The following OGDH variants were observed in gnomAD, a reference collection of about 807,000 sequenced individuals.
OGDH encodes 2-oxoglutarate dehydrogenase complex component E1.
In OGDH, 38 loss-of-function variants were observed where a neutral mutation model predicts 116.6. The observed-to-expected ratio is 0.33, with a 90% CI of 0.25 to 0.43. The LOEUF (loss-of-function observed/expected upper bound fraction) is 0.43, where lower values mean the gene tolerates loss of function less well. Ranked by LOEUF, OGDH falls within the 20% of genes least tolerant of loss-of-function variation. The probability of loss-of-function intolerance (pLI) is 1.00; values close to 1 mark genes in which losing one functional copy is unlikely to be tolerated. For synonymous variants in OGDH, 488 were observed against 533.3 expected (o/e 0.92, Z 1.17); for missense variants, 825 against 1,357.2 (o/e 0.61, Z 6.16).
At chr7:44,705,122 G>T (rs1440247378) in intron 20 of OGDH, among the ~76,000 whole-genome samples, 1 of 128,258 alleles carries the variant, frequency 7.8e-6, no homozygotes, top group Non-Finnish European at 1.6e-5. Flanking sequence ...GCGGGATCTC[G>T]GCTCACTGCA....
chr7:44,707,631 C>A lies in OGDH; in HGVS notation c.2846C>A (p.Pro949His), dbSNP rs781235052. ...CTGCTGAAGGAGGTGCAGAAGTACC[C>A]CAATGCTGAGCTGGCCTGGTGCCAG... Reference protein sequence around the residue: ...DLLLKEVQKYPNAELAWCQEE... With the variant: ...DLLLKEVQKYHNAELAWCQEE... Residue 949 changes from proline (P) to histidine (H), a missense_variant, in exon 22 of 23, where the codon CCC becomes CAC. Physicochemically the swap from Pro to His is moderately conservative, Grantham distance 77 (BLOSUM62 -2). Transcript: ENST00000222673. The surrounding 1 kb of genome is among the most constrained non-coding windows in gnomAD (Gnocchi z 5.2). 1.9e-6 allele frequency: 3 copies of A among 1,614,074 alleles called. No homozygotes were observed. The highest frequency in any genetic ancestry group is 2.5e-6 in the Non-Finnish European group (3 of 1,180,046).
At chr7:44,652,152 A>C (rs1786477680) in intron 4 of OGDH, among the ~76,000 whole-genome samples, 1 of 150,912 alleles carries the variant, frequency 6.6e-6, no homozygotes, top group South Asian at 2.1e-4. Context: ...CTTGTTGCCC[A>C]GGCTGGAGTG....
chr7:44,641,068 AT>A (rs779053737), intron 2 of OGDH, among the ~76,000 whole-genome samples: 609 of 131,662 alleles, frequency 4.6e-3, no homozygotes, highest in African/African-American at 6.2e-3. Context: ...TAATTTTTGT[AT>A]TTTTTTTTTT....
intron 4 of OGDH, among the ~76,000 whole-genome samples, chr7:44,655,714 G>A (rs1418880257): frequency 6.6e-6 from 1 of 152,222 alleles, no homozygotes; most frequent in Non-Finnish European, 1.5e-5. Flanking sequence ...CCGATGAAAA[G>A]TTTACAGGTA....
chr7:44,643,746 A>G (rs1297924939), intron 2 of OGDH, among the ~76,000 whole-genome samples: 1 of 152,204 alleles, frequency 6.6e-6, no homozygotes. Context: ...GACAAGGAGC[A>G]CATCTGGGTG....
intron 1 of OGDH, among the ~76,000 whole-genome samples, chr7:44,620,756 T>A (rs1231988738): frequency 3.0e-5 from 1 of 33,452 alleles, no homozygotes; most frequent in Non-Finnish European, 6.4e-5. Context: ...TTTTTGCGAT[T>A]TTTTTTTTTT....
rs111632426 is a variant in OGDH, at chr7:44,660,935, C to T, written c.518-5801C>T. Among the ~76,000 whole-genome samples, 51 of 151,066 alleles carry T rather than the reference C, an allele frequency of 3.4e-4. No individual in the cohort carries two copies. In the South Asian group the frequency reaches 4.6e-3, roughly 14 times the overall value. ...CCTATCTGTAAACTACACACACACG[C>T]GCGTGTGCACACACACACACATCTG... On this transcript the variant is annotated intron_variant, in intron 4 of 22. Transcript: ENST00000222673.
intron 4 of OGDH, among the ~76,000 whole-genome samples, chr7:44,648,342 G>A (rs1289368785): frequency 2.0e-5 from 3 of 152,194 alleles, no homozygotes; most frequent in Non-Finnish European, 4.4e-5. Flanking sequence ...CATGTATGGA[G>A]CACACTGGGG....
chr7:44,694,693 G>A lies in OGDH; in HGVS notation c.1668+117G>A. 2 of 1,166,742 alleles carry A rather than the reference G, an allele frequency of 1.7e-6. No individual in the cohort carries two copies. The highest frequency in any genetic ancestry group is 2.4e-6 in the Non-Finnish European group (2 of 822,240). The allele number at this position is 1,166,742 out of a possible 1,614,324, so 72.3% of individuals were successfully genotyped here. On this transcript the variant is annotated intron_variant, in intron 12 of 22. Coordinates refer to ENST00000222673, the MANE Select transcript of OGDH (RefSeq NM_002541.4). The surrounding 1 kb of genome is among the most constrained non-coding windows in gnomAD (Gnocchi z 4.2). ...GTTATGAGGATACACGTGAGAGGAT[G>A]TGAAATATTTACAACTACAGCATTT...
intron 9 of OGDH, among the ~76,000 whole-genome samples, chr7:44,680,936 T>C (rs1416478345): frequency 6.6e-6 from 1 of 152,140 alleles, no homozygotes; most frequent in Non-Finnish European, 1.5e-5. Flanking sequence ...ATGCAACCTG[T>C]CGAATAAAAT....
At chr7:44,626,558 G>T (rs1363769920) in intron 2 of OGDH, among the ~76,000 whole-genome samples, 3 of 152,166 alleles carry the variant, frequency 2.0e-5, no homozygotes, top group Non-Finnish European at 4.4e-5. Context: ...TGTCTGAAAG[G>T]TAAAGAGCAC....
In OGDH at chr7:44,707,111, TA is replaced by T; in HGVS notation, c.2633-112del. On this transcript the variant is annotated intron_variant, in intron 20 of 22. Transcript: ENST00000222673. This position sits in a 1 kb window ranked among gnomAD's most constrained non-coding sequence, Gnocchi z 5.2. The stretch of plus-strand genomic sequence containing the variant: ...GAGGCTGGTGAAGGGGAAGCATCTC[TA>T]ACCCTTGAAAGCTGCGTCTCCTGGC... 8.8e-7 allele frequency: 1 copy of T among 1,131,846 alleles called. No homozygotes were observed. Among genetic ancestry groups the T allele is most frequent in the Non-Finnish European group, 1.3e-6 (1 of 792,008 alleles). The allele number at this position is 1,131,846 out of a possible 1,614,324, so 70.1% of individuals were successfully genotyped here. A position where few individuals can be genotyped will look rare whatever the true frequency, so the allele number is the denominator to read the frequency against.
At chr7:44,668,786 TTGAA>T (rs1787297815) in intron 5 of OGDH, among the ~76,000 whole-genome samples, 1 of 152,210 alleles carries the variant, frequency 6.6e-6, no homozygotes, top group Admixed American at 6.5e-5. Context: ...TACAAAATAT[TTGAA>T]TGACTTTTTA....
At position 44,636,276 on chromosome 7, in the gene OGDH, A is replaced by G. The variant is rs148449548; in HGVS notation, c.223-9051A>G. On this transcript the variant is annotated intron_variant, in intron 2 of 22. Transcript: ENST00000222673. ...GCTGGGGGAAGGGATGTCAGATGGT[A>G]TATTTGCCACCCTCAGAAATAGGAA... is the stretch of plus-strand genomic sequence containing the variant. Among the ~76,000 whole-genome samples the G allele has an allele frequency of 6.0e-3, 920 of 152,340 alleles. 5 individuals are homozygous for G. Among genetic ancestry groups the G allele is most frequent in the Non-Finnish European group, 9.9e-3 (676 of 68,018 alleles).
chr7:44,656,378 G>C, intron 4 of OGDH: 1 of 1,535,316 alleles, frequency 6.5e-7, no homozygotes, highest in South Asian at 1.2e-5. Flanking sequence ...AAAATAATGA[G>C]CTTTTCACCT....
In OGDH at chr7:44,696,562, CA is replaced by C; in HGVS notation, c.1900+6del. On this transcript the variant is annotated splice_donor_region_variant and intron_variant, in intron 14 of 22. Transcript: ENST00000222673. ...AAAACTTTACTATTCATGGAGGTAA[CA>C]CGCTCTGTGCTGACCTGTGGAAATG... 6.2e-7 allele frequency: 1 copy of C among 1,614,184 alleles called. No individual in the cohort carries two copies. The highest frequency in any genetic ancestry group is 8.5e-7 in the Non-Finnish European group (1 of 1,179,996).
At chr7:44,676,204 A>C (rs775744537) in intron 9 of OGDH, 55 bp downstream of exon 9, 1 of 1,613,810 alleles carries the variant, frequency 6.2e-7, no homozygotes, top group Non-Finnish European at 8.5e-7. Context: ...ATGTTCCAGC[A>C]TGGAGTTCCG....
intron 2 of OGDH, among the ~76,000 whole-genome samples, chr7:44,641,625 C>T (rs997226509): frequency 5.3e-5 from 8 of 152,138 alleles, no homozygotes; most frequent in Admixed American, 1.3e-4. Context: ...CTGCTGTATT[C>T]AAGGGGTTTC....
chr7:44,666,091 C>T (rs6952519), intron 4 of OGDH, among the ~76,000 whole-genome samples: 12,397 of 152,044 alleles, frequency 0.082, 1,030 homozygotes, highest in East Asian at 0.36. Flanking sequence ...GGGCTCAGAA[C>T]GCATAGTTCA....
Sources: gnomAD v4.1 joint callset for allele counts (sites outside exome capture counted in the v4.1 genomes callset) on GRCh38, gnomAD v4.1.1 for gene constraint, Gnocchi (gnomAD v3.1) non-coding constraint, MANE v1.5 for transcripts, NCBI Gene and HGNC (gene_info 2026-07-23, HGNC 2026-07-21) for gene names.